The following NBAS variants were observed in gnomAD, a reference collection of about 807,000 sequenced individuals.
NBAS encodes the protein NAG/BC035112 fusion.
In NBAS, 219 loss-of-function variants were observed where a neutral mutation model predicts 302.5. The ratio of observed to expected loss-of-function variants is 0.72; its 90% CI spans 0.65 to 0.81. NBAS has a LOEUF of 0.81. Among genes scored for constraint, NBAS ranks in the 30% least tolerant of loss-of-function variants. NBAS has a pLI of 0.00. For missense variants in NBAS, 2,932 were observed against 2,841.6 expected, an observed-to-expected ratio of 1.03 and a Z score of -0.72; for synonymous variants, 1,118 against 1,021.6, an observed-to-expected ratio of 1.09 and a Z score of -1.80.
chr2:15,124,833 C>T, the NBAS span, among the ~76,000 whole-genome samples: 1 of 152,196 alleles, frequency 6.6e-6, no homozygotes, highest in East Asian at 1.9e-4. Context: ...GCGGCTTCCA[C>T]CTAGATTTCA....
intron 21 of NBAS, among the ~76,000 whole-genome samples, chr2:15,436,304 T>C (rs991784756): frequency 6.6e-6 from 1 of 152,210 alleles, no homozygotes; most frequent in African/African-American, 2.4e-5. Flanking sequence ...ACTGCTACTG[T>C]AATTATTTGT....
intron 9 of NBAS, among the ~76,000 whole-genome samples, chr2:15,521,393 C>T (rs1337756880): frequency 6.6e-6 from 1 of 152,168 alleles, no homozygotes; most frequent in Non-Finnish European, 1.5e-5. Flanking sequence ...ACAGTTGTTC[C>T]ACCTAGCTCT....
At chr2:15,344,306 T>TA (rs1441961828) in intron 35 of NBAS, among the ~76,000 whole-genome samples, 2 of 151,576 alleles carry the variant, frequency 1.3e-5, no homozygotes, top group African/African-American at 4.8e-5. Context: ...ATAGACACAA[T>TA]AAAAAATGAT....
chr2:15,128,966 A>G, the NBAS span, among the ~76,000 whole-genome samples: 1 of 152,148 alleles, frequency 6.6e-6, no homozygotes. Flanking sequence ...ATAGAGGGAA[A>G]GGGTCCAGGA....
chr2:14,871,574 C>G, the NBAS span, among the ~76,000 whole-genome samples: 1 of 151,884 alleles, frequency 6.6e-6, no homozygotes, highest in South Asian at 2.1e-4. Flanking sequence ...AAGATAAAAG[C>G]AAACATGATG....
the NBAS span, among the ~76,000 whole-genome samples, chr2:15,083,578 T>C: frequency 6.6e-6 from 1 of 152,252 alleles, no homozygotes; most frequent in Admixed American, 6.5e-5. Flanking sequence ...AGAATAATGT[T>C]GTCATCCAGA....
the NBAS span, among the ~76,000 whole-genome samples, chr2:14,893,310 GA>G: frequency 2.6e-5 from 4 of 151,624 alleles, no homozygotes; most frequent in Non-Finnish European, 4.4e-5. Context: ...ACTGCTTTTG[GA>G]TTTATTTGTC....
chr2:15,258,381 C>A (rs946685853), intron 44 of NBAS, among the ~76,000 whole-genome samples: 1 of 152,072 alleles, frequency 6.6e-6, no homozygotes. Flanking sequence ...GGTCTGACTG[C>A]CTGTGGGGTT....
the NBAS span, among the ~76,000 whole-genome samples, chr2:14,800,300 G>C: frequency 1.3e-5 from 2 of 152,174 alleles, no homozygotes; most frequent in African/African-American, 4.8e-5. Flanking sequence ...TCTCGTGATA[G>C]GGAATAAGTC....
chr2:15,306,761 ATC>A (rs923989226), intron 40 of NBAS, among the ~76,000 whole-genome samples: 3 of 146,058 alleles, frequency 2.1e-5, no homozygotes, highest in African/African-American at 5.3e-5. Flanking sequence ...AATTGTGGAA[ATC>A]TTTTTTTTTT....
chr2:15,555,007 A>G (rs916499200), intron 3 of NBAS, among the ~76,000 whole-genome samples: 1 of 152,190 alleles, frequency 6.6e-6, no homozygotes, highest in African/African-American at 2.4e-5. Context: ...TCAAGAAAAC[A>G]GATGGAAAAG....
At chr2:15,224,878 C>G (rs1037768099) in intron 47 of NBAS, among the ~76,000 whole-genome samples, 2 of 152,166 alleles carry the variant, frequency 1.3e-5, no homozygotes, top group African/African-American at 4.8e-5. Context: ...ACATATGCAG[C>G]GGGTGGGGCA....
chr2:15,409,809 T>C (rs1338962543), intron 25 of NBAS, among the ~76,000 whole-genome samples: 1 of 152,230 alleles, frequency 6.6e-6, no homozygotes, highest in Non-Finnish European at 1.5e-5. Flanking sequence ...TTTTATAAAG[T>C]TGGATTGTAA....
rs539302537 is a variant in NBAS, at chr2:15,268,251, T to C, written c.5724+7233A>G. Among the ~76,000 whole-genome samples the C allele has an allele frequency of 6.4e-4, 98 of 152,258 alleles. 1 individual carries two copies. The highest frequency in any genetic ancestry group is 2.3e-3 in the African/African-American group (94 of 41,550). ...TGATAAGTGAAGTGGGGAGAAACAA[T>C]TGATACACTCTTCTGGTATTGTTGT... On this transcript the variant is annotated intron_variant, in intron 44 of 51. Coordinates refer to ENST00000281513, the MANE Select transcript of NBAS (RefSeq NM_015909.4).
intron 9 of NBAS, among the ~76,000 whole-genome samples, chr2:15,528,634 G>A (rs1387539162): frequency 1.3e-5 from 2 of 149,590 alleles, no homozygotes; most frequent in Admixed American, 1.3e-4. Context: ...TTGGGAGGCT[G>A]AGGCGGGAGG....
chr2:14,919,490 G>T, the NBAS span, among the ~76,000 whole-genome samples: 1 of 152,128 alleles, frequency 6.6e-6, no homozygotes, highest in Non-Finnish European at 1.5e-5. Flanking sequence ...ATAAGACAAT[G>T]ATGAAGTTTG....
At chr2:15,430,012 T>C (rs1394415656) in intron 21 of NBAS, among the ~76,000 whole-genome samples, 1 of 152,048 alleles carries the variant, frequency 6.6e-6, no homozygotes, top group African/African-American at 2.4e-5. Context: ...GAGGAGAAAA[T>C]AAATAAACCT....
chr2:14,965,771 TA>T, the NBAS span, among the ~76,000 whole-genome samples: 627 of 150,944 alleles, frequency 4.2e-3, 7 homozygotes, highest in African/African-American at 0.014. Context: ...TGCAAAATTC[TA>T]AAAAAAAAAT....
In NBAS at chr2:15,415,599, C is replaced by T. The variant is rs1404693813; in HGVS notation, c.2884G>A (p.Ala962Thr). 6.2e-7 allele frequency: 1 copy of T among 1,613,906 alleles called. No homozygotes were observed. Among genetic ancestry groups the T allele is most frequent in the East Asian group, 2.2e-5 (1 of 44,870 alleles). The change falls in exon 25 of 52, where the codon GCT (alanine) becomes ACT (threonine). Residue 962 changes from alanine to threonine, a missense_variant. Ala to Thr is a moderately conservative substitution (Grantham distance 58, BLOSUM62 0). Coordinates refer to ENST00000281513, the MANE Select transcript of NBAS (RefSeq NM_015909.4). The part of the protein sequence containing the change: ...ELLKEYLVTL[A>T]KGDLKFPLKI... ...AGGGGAAATTTTAAGTCCCCTTTAG[C>T]TAAAGTTACTAAATATTCTTTTAAT... is the stretch of plus-strand genomic sequence containing the variant.
Sources: gnomAD v4.1 joint callset for allele counts (sites outside exome capture counted in the v4.1 genomes callset) on GRCh38, gnomAD v4.1.1 for gene constraint, MANE v1.5 for transcripts, NCBI Gene and HGNC (gene_info 2026-07-23, HGNC 2026-07-21) for gene names.